Variants in PSKH1 observed in about 807,000 individuals in gnomAD.
PSKH1 encodes protein serine kinase H1, also known as serine/threonine-protein kinase H1.
Under a neutral mutation model 26.7 loss-of-function variants are expected in PSKH1, and 12 were observed. That is an observed-to-expected ratio of 0.45 (90% CI 0.29 to 0.73). The LOEUF is 0.73. Ranked by LOEUF, PSKH1 falls within the 30% of genes least tolerant of loss-of-function variation. The pLI, the probability that PSKH1 is intolerant of heterozygous loss-of-function variation, is 0.11. For synonymous variants in PSKH1, 213 were observed against 234.3 expected (o/e 0.91, Z 0.83); for missense variants, 431 against 595.2 (o/e 0.72, Z 2.87).
intron 2 of PSKH1, among the ~76,000 whole-genome samples, chr16:67,913,679 C>A (rs903014173): frequency 4.6e-5 from 7 of 152,106 alleles, no homozygotes; most frequent in Non-Finnish European, 8.8e-5. Flanking sequence ...AAACCAGAGC[C>A]CTGCCAGGGA....
chr16:67,927,583 G>A lies in PSKH1; in HGVS notation c.1216G>A (p.Val406Met). 1.9e-6 allele frequency: 3 copies of A among 1,613,172 alleles called. No individual in the cohort carries two copies. The highest frequency in any genetic ancestry group is 2.5e-6 in the Non-Finnish European group (3 of 1,179,946). ...CACACGCTCCAATAAGTCACGCCGTGTGCGGGAACGGGAGCTGCGGGAGCT... is the reference window on the plus strand; with the variant it reads ...CACACGCTCCAATAAGTCACGCCGTATGCGGGAACGGGAGCTGCGGGAGCT... ...RSTRSNKSRR[V>M]RERELRELNL... Residue 406 changes from valine to methionine, a missense_variant, in exon 3 of 3, where the codon GTG becomes ATG. Transcript: ENST00000291041. The surrounding 1 kb of genome is among the most constrained non-coding windows in gnomAD (Gnocchi z 5.5).
intron 1 of PSKH1, among the ~76,000 whole-genome samples, 172 bp downstream of exon 1, chr16:67,893,543 T>C (rs1228753608): frequency 6.6e-6 from 1 of 152,224 alleles, no homozygotes; most frequent in East Asian, 1.9e-4. Flanking sequence ...CGATGGCTGC[T>C]CGGGTTCCCG....
In PSKH1 at chr16:67,929,511, A is replaced by C; in HGVS notation, c.*1869A>C. 5.7e-6 allele frequency: 1 copy of C among 176,340 alleles called. No homozygotes were observed. The highest frequency in any genetic ancestry group is 1.2e-5 in the Non-Finnish European group (1 of 80,914). 10.9% of individuals were successfully genotyped at this position (176,340 alleles called of 1,614,324 possible). A position where few individuals can be genotyped will look rare whatever the true frequency, so the allele number is the denominator to read the frequency against. On this transcript the variant is annotated 3_prime_UTR_variant, in exon 3 of 3. Coordinates refer to ENST00000291041, the MANE Select transcript of PSKH1 (RefSeq NM_006742.3). ...GTGGGCCTGGTCCTGAGGGCAGGAC[A>C]GGGGGTTTGGAGATGTGGGCCTTTG...
At chr16:67,922,106 G>T (rs1202137917) in intron 2 of PSKH1, among the ~76,000 whole-genome samples, 1 of 151,852 alleles carries the variant, frequency 6.6e-6, no homozygotes, top group Admixed American at 6.6e-5. Flanking sequence ...CCGAGTCCCA[G>T]GGTGGTAGAT....
chr16:67,915,500 ACCCT>A (rs2058185531), intron 2 of PSKH1, among the ~76,000 whole-genome samples: 1 of 152,030 alleles, frequency 6.6e-6, no homozygotes, highest in African/African-American at 2.4e-5. Context: ...CATCCAGCAG[ACCCT>A]CAGGCCCCAC....
At position 67,910,649 on chromosome 16, in the gene PSKH1, C is replaced by T. The variant is rs149302546; in HGVS notation, c.957+943C>T. Among the ~76,000 whole-genome samples the T allele has an allele frequency of 7.8e-4, 119 of 152,092 alleles. 1 individual carries two copies. The East Asian group carries it at 0.02, about 25-fold the overall frequency. On this transcript the variant is annotated intron_variant, in intron 2 of 2. Coordinates refer to ENST00000291041, the MANE Select transcript of PSKH1 (RefSeq NM_006742.3). ...GATTACAGACCTGGGATTACAGGCC[C>T]GCATCACCTCCCCCAGCTAATTTTT...
chr16:67,904,130 C>T (rs1598187420), intron 1 of PSKH1, among the ~76,000 whole-genome samples: 3 of 151,776 alleles, frequency 2.0e-5, no homozygotes, highest in South Asian at 2.1e-4. Context: ...ATTCTCCTGC[C>T]TCAGCCTCCA....
intron 2 of PSKH1, among the ~76,000 whole-genome samples, chr16:67,924,807 C>G (rs1251028846): frequency 6.6e-6 from 1 of 152,156 alleles, no homozygotes; most frequent in African/African-American, 2.4e-5. Flanking sequence ...CTGACCCACT[C>G]TGTTCAGCTG....
intron 1 of PSKH1, among the ~76,000 whole-genome samples, chr16:67,902,780 T>G (rs1169236109): frequency 6.6e-6 from 1 of 151,996 alleles, no homozygotes; most frequent in Non-Finnish European, 1.5e-5. Flanking sequence ...GGGTTACTCA[T>G]GCAGTTTGTC....
At chr16:67,908,317 T>A (rs930018692) in intron 1 of PSKH1, among the ~76,000 whole-genome samples, 3 of 152,188 alleles carry the variant, frequency 2.0e-5, no homozygotes, top group Admixed American at 2.0e-4. Flanking sequence ...TCACCCAGGC[T>A]GGAGTGCAGT....
chr16:67,914,724 G>T (rs1342807694), intron 2 of PSKH1, among the ~76,000 whole-genome samples: 1 of 152,198 alleles, frequency 6.6e-6, no homozygotes, highest in Non-Finnish European at 1.5e-5. Context: ...AAAGTGCTAG[G>T]ATTACAGGCG....
intron 1 of PSKH1, among the ~76,000 whole-genome samples, chr16:67,902,025 G>A (rs1051018354): frequency 4.6e-5 from 7 of 152,118 alleles, no homozygotes; most frequent in Middle Eastern, 3.4e-3. Context: ...TTTAGGAGGC[G>A]GAGGTGGGCG....
At chr16:67,900,240 G>T (rs575099333) in intron 1 of PSKH1, among the ~76,000 whole-genome samples, 1 of 152,238 alleles carries the variant, frequency 6.6e-6, no homozygotes, top group African/African-American at 2.4e-5. Flanking sequence ...GTGATTATAG[G>T]CGTGAGCCAC....
chr16:67,895,859 TGGGCTTTGGTGTCAGAA>T (rs374184910), intron 1 of PSKH1, among the ~76,000 whole-genome samples: 7,617 of 152,282 alleles, frequency 0.05, 566 homozygotes, highest in African/African-American at 0.17. Context: ...CCTAGAAGCA[TGGGCTTTGGTGTCAGAA>T]AGACCTGGAT....
At chr16:67,900,205 A>C (rs1598186151) in intron 1 of PSKH1, among the ~76,000 whole-genome samples, 1 of 152,042 alleles carries the variant, frequency 6.6e-6, no homozygotes, top group Middle Eastern at 3.4e-3. Context: ...CAGGTGATCC[A>C]CCTGCCTTGG....
intron 1 of PSKH1, among the ~76,000 whole-genome samples, chr16:67,906,388 T>C (rs1230469763): frequency 6.8e-6 from 1 of 146,570 alleles, no homozygotes; most frequent in Admixed American, 6.8e-5. Context: ...TTTTTTTCTT[T>C]TAAGACAGAT....
chr16:67,921,572 C>T (rs2058202741), intron 2 of PSKH1, among the ~76,000 whole-genome samples: 1 of 151,836 alleles, frequency 6.6e-6, no homozygotes. Context: ...CAGAGTGAGA[C>T]TCTGTCTCTC....
chr16:67,912,131 G>A (rs2058175129), intron 2 of PSKH1, among the ~76,000 whole-genome samples: 1 of 152,176 alleles, frequency 6.6e-6, no homozygotes, highest in African/African-American at 2.4e-5. Flanking sequence ...GTGGACAGGT[G>A]GGTTCTGCAG....
intron 2 of PSKH1, among the ~76,000 whole-genome samples, chr16:67,914,329 T>C (rs2058180982): frequency 1.3e-5 from 2 of 150,686 alleles, no homozygotes; most frequent in Admixed American, 1.3e-4. Context: ...AATTTTGTAT[T>C]TTTAGTAGAG....
Sources: allele counts gnomAD v4.1 joint callset (sites outside exome capture counted in the v4.1 genomes callset), GRCh38; gene constraint gnomAD v4.1.1; non-coding constraint Gnocchi (gnomAD v3.1); transcripts MANE v1.5; gene names NCBI Gene and HGNC (gene_info 2026-07-23, HGNC 2026-07-21).